PLEKHG5: variants seen among roughly 807,000 people sequenced by gnomAD.
The protein encoded by PLEKHG5 is pleckstrin homology domain-containing family G member 5.
PLEKHG5 carries 52 observed loss-of-function variants against 103.8 expected under a neutral mutation model. The ratio of observed to expected loss-of-function variants is 0.50; its 90% confidence interval spans 0.40 to 0.63. The LOEUF is 0.63. Among genes scored for constraint, PLEKHG5 ranks in the 30% least tolerant of loss-of-function variants. The probability of loss-of-function intolerance (pLI) is 0.00; values close to 1 mark genes in which losing one functional copy is unlikely to be tolerated. For synonymous variants in PLEKHG5, 592 were observed against 575.5 expected (o/e 1.03, Z -0.41); for missense variants, 1,205 against 1,347.6 (o/e 0.89, Z 1.66).
chr1:6,496,580 G>A (rs1428959941), upstream of PLEKHG5: 2 of 1,540,414 alleles, frequency 1.3e-6, no homozygotes, highest in Admixed American at 1.9e-5. Context: ...CTGCAGGGGA[G>A]GAGCAGAGGG....
intron 1 of PLEKHG5, among the ~76,000 whole-genome samples, chr1:6,514,765 GAA>G (rs145567355): frequency 8.2e-6 from 1 of 121,562 alleles, no homozygotes. Flanking sequence ...CATCTTGAAG[GAA>G]AAAAAAAAAA....
At position 6,470,801 on chromosome 1, in the gene PLEKHG5, C is replaced by A; in HGVS notation, c.1476G>T (p.Pro492=). Residue 492 remains proline (P), a synonymous_variant, in exon 14 of 21, where the codon CCG becomes CCT. Coordinates refer to ENST00000377728, the MANE Select transcript of PLEKHG5 (RefSeq NM_020631.6). ...TCCTCAGCACCGACTTGAGCAGCAG[C>A]GGGTACTTGGTGAGCCGCTGGTGGG... is the stretch of plus-strand genomic sequence containing the variant. ...AKPHQRLTKY[P]LLLKSVLRKT... 6.3e-7 allele frequency: 1 copy of A among 1,575,506 alleles called. No homozygotes were observed. Among genetic ancestry groups the A allele is most frequent in the Admixed American group, 1.8e-5 (1 of 54,378 alleles).
Position 6,467,765 on chromosome 1 carries a change from G to C in PLEKHG5, c.3011+60C>G, listed in dbSNP as rs45463998. 10 of 1,585,032 alleles carry C rather than the reference G, an allele frequency of 6.3e-6. No individual in the cohort carries two copies. The East Asian group carries it at 2.0e-4, about 32-fold the overall frequency. ...CCCCAAATGCGATGCTCCCAGGCATGAGTGGGCCCCCATGCCAGTGCCCTG... is the reference window on the plus strand; with the variant it reads ...CCCCAAATGCGATGCTCCCAGGCATCAGTGGGCCCCCATGCCAGTGCCCTG... On this transcript the variant is annotated intron_variant, in intron 20 of 20. Coordinates refer to ENST00000377728, the MANE Select transcript of PLEKHG5 (RefSeq NM_020631.6).
At position 6,471,640 on chromosome 1, in the gene PLEKHG5, G is replaced by C; in HGVS notation, c.1132-3C>G. 4 of 1,575,626 alleles carry C rather than the reference G, an allele frequency of 2.5e-6. No individual in the cohort carries two copies. Among genetic ancestry groups the C allele is most frequent in the Non-Finnish European group, 3.4e-6 (4 of 1,162,018 alleles). On this transcript the variant is annotated splice_region_variant and splice_polypyrimidine_tract_variant and intron_variant, in intron 11 of 20. Coordinates refer to ENST00000377728, the MANE Select transcript of PLEKHG5 (RefSeq NM_020631.6). Reference sequence around the variant, plus strand: ...CTGAACAGGCGCTCCGCCTCCACCTGGGCGCGGCGGGAGGTGCGGTTGGCC... The same window carrying C: ...CTGAACAGGCGCTCCGCCTCCACCTCGGCGCGGCGGGAGGTGCGGTTGGCC...
At chr1:6,482,576 T>A (rs1644930994) in intron 1 of PLEKHG5, among the ~76,000 whole-genome samples, 1 of 152,230 alleles carries the variant, frequency 6.6e-6, no homozygotes, top group Non-Finnish European at 1.5e-5. Context: ...TTATTGTCCC[T>A]GTTTCACACA....
At chr1:6,494,530 C>G (rs1645195389), upstream of PLEKHG5, among the ~76,000 whole-genome samples, 1 of 152,130 alleles carries the variant, frequency 6.6e-6, no homozygotes, top group African/African-American at 2.4e-5. Flanking sequence ...TCTCACAGTG[C>G]TGGGATCGCA....
rs1644623966 is a variant in PLEKHG5, at chr1:6,472,527, G to A, written c.1080C>T (p.Asn360=). 4 of 1,607,352 alleles carry A rather than the reference G, an allele frequency of 2.5e-6. No homozygotes were observed. Among genetic ancestry groups the A allele is most frequent in the Non-Finnish European group, 1.7e-6 (2 of 1,174,188 alleles). The part of the protein sequence containing the change: ...SYIRKLRVII[N]LFLCCLLNLQ... ...GGGGACCAGCGCAGCCCCTACTCAC[G>A]TTGATGATCACCCGCAGTTTCCTGA... The change falls in exon 10 of 21, where the codon AAC becomes AAT. Residue 360 remains asparagine (N), a splice_region_variant and synonymous_variant. Transcript: ENST00000377728.
rs1644411668 is a variant in PLEKHG5, at chr1:6,467,402, T to C, written c.*161A>G. 1 of 815,780 alleles carries C rather than the reference T, an allele frequency of 1.2e-6. No individual in the cohort carries two copies. The highest frequency in any genetic ancestry group is 2.4e-5 in the East Asian group (1 of 41,336). 50.5% of individuals were successfully genotyped at this position (815,780 alleles called of 1,614,324 possible). On this transcript the variant is annotated 3_prime_UTR_variant, in exon 21 of 21. Coordinates refer to ENST00000377728, the MANE Select transcript of PLEKHG5 (RefSeq NM_020631.6). ...CCTGGGCCTCCTCCACTCCATCCAG[T>C]CCGGCAAAGCGCAAATCGGGCCCGG...
At chr1:6,470,166 A>G in intron 16 of PLEKHG5, 70 bp downstream of exon 16, 1 of 1,564,464 alleles carries the variant, frequency 6.4e-7, no homozygotes. Context: ...CAGAGCTGAG[A>G]ACCAGTGACT....
chr1:6,469,433 A>C lies in PLEKHG5; in HGVS notation c.1951T>G (p.Tyr651Asp), dbSNP rs1644501019. ...ACAGCACTGTGAAACTCATTCAGGT[A>C]GATAAGGAGGAAGGACCCTGGTTAG... ...LRDPGSFLLI[Y>D]LNEFHSAVGA... is the part of the protein sequence containing the mutation. Residue 651 changes from tyrosine (Y) to aspartate (D), a missense_variant, in exon 18 of 21, where the codon TAC becomes GAC. Tyr to Asp is a radical substitution (Grantham distance 160). Coordinates refer to ENST00000377728, the MANE Select transcript of PLEKHG5 (RefSeq NM_020631.6). The C allele has an allele frequency of 1.2e-6, 2 of 1,613,940 alleles. No homozygotes were observed. Among genetic ancestry groups the C allele is most frequent in the Non-Finnish European group, 1.7e-6 (2 of 1,180,000 alleles).
intron 1 of PLEKHG5, among the ~76,000 whole-genome samples, chr1:6,479,951 A>C (rs1644860571): frequency 6.6e-6 from 1 of 152,140 alleles, no homozygotes; most frequent in South Asian, 2.1e-4. Context: ...GCAGCCTCGC[A>C]CAGAGCTCCT....
chr1:6,467,922 G>A lies in PLEKHG5; in HGVS notation c.2914C>T (p.Pro972Ser), dbSNP rs1243151363. 1.9e-6 allele frequency: 3 copies of A among 1,594,762 alleles called. No homozygotes were observed. The highest frequency in any genetic ancestry group is 2.3e-5 in the East Asian group (1 of 43,588). ...TGCTGGGCAGAGACCCCTGGTGGGG[G>A]CTCAGGCTGGACCCTGGGAGAGGCC... The part of the protein sequence containing the change: ...SGASPRVQPE[P>S]PPGVSAQHRK... Residue 972 changes from proline (P) to serine (S), a missense_variant, in exon 20 of 21, where the codon CCC (proline) becomes TCC (serine). Physicochemically the swap from Pro to Ser is moderately conservative, Grantham distance 74 (BLOSUM62 -1). Transcript: ENST00000377728.
At chr1:6,496,293 C>T (rs139450855), upstream of PLEKHG5, among the ~76,000 whole-genome samples, 795 of 152,368 alleles carry the variant, frequency 5.2e-3, 6 homozygotes, top group African/African-American at 0.018. Context: ...AGAAGTCCCC[C>T]GACTCCACTG....
Position 6,514,765 on chromosome 1 carries a change from GA to G in PLEKHG5, c.-165+4679del, listed in dbSNP as rs145567355. Among the ~76,000 whole-genome samples the G allele has an allele frequency of 3.0e-3, 361 of 121,250 alleles. 2 individuals are homozygous for G. The highest frequency in any genetic ancestry group is 6.1e-3 in the African/African-American group (200 of 32,568). 79.5% of individuals were successfully genotyped at this position (121,250 alleles called of 152,430 possible). On this transcript the variant is annotated intron_variant, in intron 1 of 21. Coordinates refer to the PLEKHG5 transcript ENST00000377740. ...GACAGAGCAAGACTCCATCTTGAAG[GA>G]AAAAAAAAAAAAGAAAATTGGCCAG...
chr1:6,474,442 G>C lies in PLEKHG5; in HGVS notation c.439+9C>G. 6 of 1,613,732 alleles carry C rather than the reference G, an allele frequency of 3.7e-6. No individual in the cohort carries two copies. The highest frequency in any genetic ancestry group is 5.1e-6 in the Non-Finnish European group (6 of 1,179,982). ...CCAGCGGCCCCATTTGGCCCAGGCT[G>C]CTTCTCACCTTTGACACGAAGGTAG... On this transcript the variant is annotated intron_variant, in intron 6 of 20. Transcript: ENST00000377728.
chr1:6,485,221 C>T, intron 1 of PLEKHG5: 1 of 762,202 alleles, frequency 1.3e-6, no homozygotes, highest in Admixed American at 4.4e-5. Flanking sequence ...CCGCGGGGCC[C>T]ATAGTCACGG....
At chr1:6,514,148 C>T (rs375539617) in intron 1 of PLEKHG5, among the ~76,000 whole-genome samples, 2 of 152,278 alleles carry the variant, frequency 1.3e-5, no homozygotes, top group South Asian at 2.1e-4. Flanking sequence ...ATGGCTGAGA[C>T]CTTGTCTCTA....
In PLEKHG5 at chr1:6,490,681, G is replaced by C. The variant is rs577325972; in HGVS notation, c.-88+956C>G. 1.1e-6 allele frequency: 1 copy of C among 876,390 alleles called. No homozygotes were observed. Among genetic ancestry groups the C allele is most frequent in the Non-Finnish European group, 1.4e-6 (1 of 730,572 alleles). The allele number at this position is 876,390 out of a possible 1,614,324, so 54.3% of individuals were successfully genotyped here. A position where few individuals can be genotyped will look rare whatever the true frequency, so the allele number is the denominator to read the frequency against. On this transcript the variant is annotated intron_variant, in intron 1 of 20. Transcript: ENST00000377728. This position sits in a 1 kb window ranked among gnomAD's most constrained non-coding sequence, Gnocchi z 8.0. Reference sequence around the variant, plus strand: ...GCCGCCCGGCTGGGACCGGGGAGAGGAGGGGTCCCAGGAAGGGCCCCGCGC... The same window carrying C: ...GCCGCCCGGCTGGGACCGGGGAGAGCAGGGGTCCCAGGAAGGGCCCCGCGC...
At position 6,487,272 on chromosome 1, in the gene PLEKHG5, C is replaced by T. The variant is rs529601107; in HGVS notation, c.-88+4365G>A. Among the ~76,000 whole-genome samples, 5 of 152,278 alleles carry T rather than the reference C, an allele frequency of 3.3e-5. No homozygotes were observed. In the East Asian group the frequency reaches 5.8e-4, roughly 18 times the overall value. ...CTGGGATTACAGGCGCCCGCCACTA[C>T]ACCCAGCTACTTTTTGTATTTTAGT... On this transcript the variant is annotated intron_variant, in intron 1 of 20. Coordinates refer to ENST00000377728, the MANE Select transcript of PLEKHG5 (RefSeq NM_020631.6). The surrounding 1 kb of genome is among the most constrained non-coding windows in gnomAD (Gnocchi z 4.1).
Sources: allele counts gnomAD v4.1 joint callset (sites outside exome capture counted in the v4.1 genomes callset), GRCh38; gene constraint gnomAD v4.1.1; non-coding constraint Gnocchi (gnomAD v3.1); transcripts MANE v1.5; gene names NCBI Gene and HGNC (gene_info 2026-07-23, HGNC 2026-07-21).